Variants in CACNA1S observed in about 807,000 individuals in gnomAD.
CACNA1S encodes calcium voltage-gated channel subunit alpha1 S, also known as voltage-dependent L-type calcium channel subunit alpha-1S.
CACNA1S carries 126 observed loss-of-function variants against 207.4 expected under a neutral mutation model. The ratio of observed to expected loss-of-function variants is 0.61; its 90% CI spans 0.53 to 0.70. CACNA1S has a LOEUF of 0.70. CACNA1S is among the 30% of genes least tolerant of loss of function. The probability of loss-of-function intolerance (pLI) is 0.00; values close to 1 mark genes in which losing one functional copy is unlikely to be tolerated. For synonymous variants in CACNA1S, 960 were observed against 932.7 expected (o/e 1.03, Z -0.53); for missense variants, 2,349 against 2,422.8 (o/e 0.97, Z 0.64).
chr1:201,076,458 C>T (rs933116346), intron 12 of CACNA1S, among the ~76,000 whole-genome samples: 17 of 152,288 alleles, frequency 1.1e-4, no homozygotes, highest in Non-Finnish European at 2.1e-4. Context: ...CACTGGGCCA[C>T]AGCCATGCTC....
chr1:201,041,565 T>C lies in CACNA1S; in HGVS notation c.5073A>G (p.Pro1691=). ...TGGTAGCAGGCGTCTCTGTCTCTTC[T>C]GGGAACTCCCTTTCATAGTGGACAC... ...FSSVHYEREF[P]EETETPATRG... Residue 1691 remains proline, a synonymous_variant, in exon 41 of 44, where the codon CCA becomes CCG. Transcript: ENST00000362061. 6.2e-7 allele frequency: 1 copy of C among 1,614,128 alleles called. No homozygotes were observed. Among genetic ancestry groups the C allele is most frequent in the Non-Finnish European group, 8.5e-7 (1 of 1,179,958 alleles).
intron 22 of CACNA1S, among the ~76,000 whole-genome samples, chr1:201,065,138 A>G (rs1465977192): frequency 1.3e-5 from 2 of 152,244 alleles, no homozygotes; most frequent in African/African-American, 4.8e-5. Context: ...GCAGTCAACC[A>G]AGAGGCCCGG....
At chr1:201,046,294 G>A (rs1028815185) in intron 38 of CACNA1S, among the ~76,000 whole-genome samples, 1 of 151,974 alleles carries the variant, frequency 6.6e-6, no homozygotes, top group African/African-American at 2.4e-5. Context: ...TGATGCTCCC[G>A]CCTCAACCTC....
chr1:201,040,184 G>A (rs913450895), intron 43 of CACNA1S, 47 bp downstream of exon 43: 2 of 1,612,314 alleles, frequency 1.2e-6, no homozygotes, highest in East Asian at 2.2e-5. Context: ...GCCATCACAG[G>A]GCCACCACTC....
At chr1:201,067,607 C>T (rs978610088) in intron 19 of CACNA1S, among the ~76,000 whole-genome samples, 2 of 152,190 alleles carry the variant, frequency 1.3e-5, no homozygotes, top group African/African-American at 4.8e-5. Context: ...TTCCCAGACT[C>T]GGCACCCAGG....
At chr1:201,050,659 C>G in intron 33 of CACNA1S, 143 bp from the exon 34 acceptor site, 1 of 865,232 alleles carries the variant, frequency 1.2e-6, no homozygotes, top group Non-Finnish European at 1.9e-6. Context: ...ACCCACATCA[C>G]ACACACAGCA....
At chr1:201,062,537 A>G in intron 22 of CACNA1S, 23 bp from the exon 23 acceptor site, 5 of 705,144 alleles carry the variant, frequency 7.1e-6, no homozygotes, top group South Asian at 1.3e-5. Context: ...AGAGGGAGGG[A>G]GGGAGGGAGG....
chr1:201,071,421 G>A (rs945863581), intron 16 of CACNA1S, among the ~76,000 whole-genome samples: 3 of 151,858 alleles, frequency 2.0e-5, no homozygotes, highest in Non-Finnish European at 2.9e-5. Flanking sequence ...ACGCTTAATC[G>A]CAGAGACCAT....
At chr1:201,105,870 T>C (rs963416581) in intron 2 of CACNA1S, among the ~76,000 whole-genome samples, 14 of 152,118 alleles carry the variant, frequency 9.2e-5, no homozygotes, top group Non-Finnish European at 2.1e-4. Flanking sequence ...CCCCCGGCCC[T>C]GCTCGCACAC....
intron 41 of CACNA1S, among the ~76,000 whole-genome samples, chr1:201,041,159 C>T (rs1317356365): frequency 6.6e-6 from 1 of 152,148 alleles, no homozygotes; most frequent in Non-Finnish European, 1.5e-5. Context: ...GTCAGTGTGT[C>T]CAGGGGCTGC....
At position 201,061,010 on chromosome 1, in the gene CACNA1S, G is replaced by A. The variant is rs12046840; in HGVS notation, c.3256-194C>T. 0.12 allele frequency among the ~76,000 whole-genome samples: 18,114 copies of A among 152,172 alleles called. 1,494 individuals carry two copies. Among genetic ancestry groups the A allele is most frequent in the African/African-American group, 0.23 (9,471 of 41,502 alleles). ...TGAGTTATCACAGCCCATTCCCATG[G>A]GTGCTATAGACTAGACTGTGGGTCT... is the stretch of plus-strand genomic sequence containing the variant. On this transcript the variant is annotated intron_variant, in intron 25 of 43. Transcript: ENST00000362061.
intron 13 of CACNA1S, 91 bp downstream of exon 13, chr1:201,075,404 C>G: frequency 6.4e-7 from 1 of 1,551,112 alleles, no homozygotes; most frequent in East Asian, 2.2e-5. Context: ...GCCTGGCTAC[C>G]TAGAAACTGG....
At chr1:201,110,354 A>T in intron 1 of CACNA1S, 85 bp from the exon 2 acceptor site, 2 of 1,148,434 alleles carry the variant, frequency 1.7e-6, no homozygotes, top group South Asian at 2.5e-5. Flanking sequence ...GTCAGTCTGG[A>T]CTGTGACTCT....
Position 201,053,427 on chromosome 1 carries a change from G to A in CACNA1S, c.3795+32C>T, listed in dbSNP as rs764898145. 27 of 1,614,004 alleles carry A rather than the reference G, an allele frequency of 1.7e-5. No homozygotes were observed. Among genetic ancestry groups the A allele is most frequent in the Admixed American group, 1.7e-5 (1 of 60,014 alleles). Reference sequence around the variant, plus strand: ...GCAGATGTCCCTAGTGGCCTCCCCAGGTACGTGCAGTTTCCAGGGTCCCTG... The same window carrying A: ...GCAGATGTCCCTAGTGGCCTCCCCAAGTACGTGCAGTTTCCAGGGTCCCTG... On this transcript the variant is annotated intron_variant, in intron 30 of 43. Transcript: ENST00000362061. The surrounding 1 kb of genome is among the most constrained non-coding windows in gnomAD (Gnocchi z 5.1).
intron 18 of CACNA1S, 41 bp downstream of exon 18, chr1:201,069,431 G>T: frequency 6.2e-7 from 1 of 1,604,712 alleles, no homozygotes; most frequent in Non-Finnish European, 8.5e-7. Context: ...AGGCTGGAGG[G>T]GGCAGGGGTG....
In CACNA1S at chr1:201,092,103, A is replaced by G; in HGVS notation, c.410T>C (p.Val137Ala). 1 of 1,614,052 alleles carries G rather than the reference A, an allele frequency of 6.2e-7. No homozygotes were observed. The highest frequency in any genetic ancestry group is 2.2e-5 in the East Asian group (1 of 44,862). The change falls in exon 4 of 44, where the codon GTG becomes GCG. Residue 137 changes from valine to alanine, a missense_variant. Val to Ala is a moderately conservative substitution (Grantham distance 64, BLOSUM62 0). Transcript: ENST00000362061. ...GATGACGTTAACCTGTTCCAGAATCACGGTGAAGACCCTAGAATGGAGAAG... is the reference window on the plus strand; with the variant it reads ...GATGACGTTAACCTGTTCCAGAATCGCGGTGAAGACCCTAGAATGGAGAAG... Reference protein sequence around the residue: ...FTIVFLGVFTVILEQVNVIQS... With the variant: ...FTIVFLGVFTAILEQVNVIQS...
At chr1:201,061,229 G>T in intron 25 of CACNA1S, 38 bp downstream of exon 25, 1 of 1,582,766 alleles carries the variant, frequency 6.3e-7, no homozygotes, top group Non-Finnish European at 8.7e-7. Context: ...AGGCCTGCTG[G>T]AGCTCTGCCC....
intron 37 of CACNA1S, 140 bp from the exon 38 acceptor site, chr1:201,047,379 C>G (rs1660504684): frequency 7.5e-7 from 1 of 1,335,868 alleles, no homozygotes; most frequent in East Asian, 2.4e-5. Context: ...CACTTTCCAT[C>G]CTGAGGTTGG....
intron 40 of CACNA1S, chr1:201,042,051 T>C (rs1275543425): frequency 4.1e-6 from 1 of 241,044 alleles, no homozygotes; most frequent in Non-Finnish European, 8.3e-6. Context: ...TCTAGGTCTT[T>C]CCAGCCCATG....
Sources: allele counts gnomAD v4.1 joint callset (sites outside exome capture counted in the v4.1 genomes callset), GRCh38; gene constraint gnomAD v4.1.1; non-coding constraint Gnocchi (gnomAD v3.1); transcripts MANE v1.5; gene names NCBI Gene and HGNC (gene_info 2026-07-23, HGNC 2026-07-21).